EXTL3: variants seen among roughly 807,000 people sequenced by gnomAD.
EXTL3 encodes exostosin like glycosyltransferase 3.
A neutral mutation model predicts 69.3 loss-of-function variants in EXTL3; 27 were observed. The ratio of observed to expected loss-of-function variants is 0.39; its 90% CI spans 0.29 to 0.54. EXTL3 has a LOEUF of 0.54. Ranked by LOEUF, EXTL3 falls within the 20% of genes least tolerant of loss-of-function variation. The probability of loss-of-function intolerance (pLI) is 0.69; values close to 1 mark genes in which losing one functional copy is unlikely to be tolerated. For missense variants in EXTL3, 1,003 were observed against 1,231.8 expected, an observed-to-expected ratio of 0.81 and a Z score of 2.78; for synonymous variants, 511 against 499.4, an observed-to-expected ratio of 1.02 and a Z score of -0.31.
Position 28,743,091 on chromosome 8 carries a change from T to C in EXTL3, c.2427T>C (p.Tyr809=). ...TCTTTTTCTTCCCCTGACAGTATTATGCCTACCTGTATTCTTATGTGATGC... is the reference window on the plus strand; with the variant it reads ...TCTTTTTCTTCCCCTGACAGTATTACGCCTACCTGTATTCTTATGTGATGC... ...LTGAAFFHKY[Y]AYLYSYVMPQ... The change falls in exon 6 of 7, where the codon TAT becomes TAC. Residue 809 remains tyrosine (Y), a synonymous_variant. Transcript: ENST00000220562. 6.2e-7 allele frequency: 1 copy of C among 1,614,190 alleles called. No homozygotes were observed. Among genetic ancestry groups the C allele is most frequent in the Non-Finnish European group, 8.5e-7 (1 of 1,179,998 alleles).
intron 5 of EXTL3, chr8:28,739,899 C>A (rs1801740035): frequency 6.6e-6 from 1 of 152,180 alleles, no homozygotes; most frequent in Non-Finnish European, 1.5e-5. Flanking sequence ...TGAGGATGTA[C>A]TTATCTTCTG....
chr8:28,747,887 C>T (rs899591720), intron 6 of EXTL3, among the ~76,000 whole-genome samples: 3 of 151,930 alleles, frequency 2.0e-5, no homozygotes, highest in Non-Finnish European at 4.4e-5. Context: ...TGTCGCCATG[C>T]CCAGCTAATT....
intron 4 of EXTL3, among the ~76,000 whole-genome samples, chr8:28,734,962 A>G (rs1245518076): frequency 6.6e-6 from 1 of 152,198 alleles, no homozygotes; most frequent in East Asian, 1.9e-4. Flanking sequence ...CACATTTCTG[A>G]AAAATTAGAA....
intron 1 of EXTL3, among the ~76,000 whole-genome samples, chr8:28,664,758 C>T (rs1243344625): frequency 1.3e-5 from 2 of 152,030 alleles, no homozygotes; most frequent in African/African-American, 4.8e-5. Context: ...TTATATACAT[C>T]TCCCCCCGGA....
intron 1 of EXTL3, among the ~76,000 whole-genome samples, chr8:28,665,613 T>C (rs903921670): frequency 2.0e-5 from 3 of 151,904 alleles, no homozygotes; most frequent in Non-Finnish European, 2.9e-5. Context: ...GGTCTCACCA[T>C]GTTGCCCATG....
chr8:28,722,513 C>T (rs1255012870), intron 3 of EXTL3, among the ~76,000 whole-genome samples: 6 of 152,048 alleles, frequency 3.9e-5, no homozygotes, highest in Admixed American at 1.3e-4. Context: ...CAGTGGCTCA[C>T]GCCTGTAATC....
At chr8:28,673,474 C>T (rs7004746) in intron 1 of EXTL3, among the ~76,000 whole-genome samples, 1,892 of 152,234 alleles carry the variant, frequency 0.012, 40 homozygotes, top group African/African-American at 0.043. Context: ...TGCCTGCCTG[C>T]TTGAGCTGGA....
intron 2 of EXTL3, among the ~76,000 whole-genome samples, chr8:28,611,672 G>C (rs1373912404): frequency 6.6e-6 from 1 of 152,172 alleles, no homozygotes; most frequent in East Asian, 1.9e-4. Flanking sequence ...GTTGTTGTGA[G>C]CCCCGAGGTG....
At chr8:28,675,756 T>C (rs1807371091) in intron 1 of EXTL3, among the ~76,000 whole-genome samples, 1 of 152,138 alleles carries the variant, frequency 6.6e-6, no homozygotes, top group Non-Finnish European at 1.5e-5. Context: ...GCGCGGCAGC[T>C]CATGCCTGTA....
At chr8:28,688,644 G>A (rs1471870052) in intron 1 of EXTL3, among the ~76,000 whole-genome samples, 3 of 152,186 alleles carry the variant, frequency 2.0e-5, no homozygotes, top group East Asian at 1.9e-4. Flanking sequence ...TTCAGAGCCC[G>A]TGTTGTAAGA....
upstream of EXTL3, among the ~76,000 whole-genome samples, chr8:28,698,864 C>T (rs1036668927): frequency 2.6e-5 from 4 of 152,200 alleles, no homozygotes; most frequent in South Asian, 4.2e-4. Context: ...CACAGTAGTG[C>T]GTGCCTGTAA....
chr8:28,710,970 G>A (rs1217878931), intron 1 of EXTL3, among the ~76,000 whole-genome samples: 1 of 151,772 alleles, frequency 6.6e-6, no homozygotes, highest in East Asian at 1.9e-4. Flanking sequence ...TTCTTTAAAT[G>A]TTCAGTAGAA....
At position 28,717,715 on chromosome 8, in the gene EXTL3, G is replaced by C. The variant is rs1447814532; in HGVS notation, c.1656G>C (p.Glu552Asp). 1 of 1,614,124 alleles carries C rather than the reference G, an allele frequency of 6.2e-7. No homozygotes were observed. The highest frequency in any genetic ancestry group is 8.5e-7 in the Non-Finnish European group (1 of 1,180,052). Residue 552 changes from glutamate to aspartate, a missense_variant, in exon 3 of 7, where the codon GAG (glutamate) becomes GAC (aspartate). Glu to Asp is a conservative substitution (Grantham distance 45, BLOSUM62 2). Around this residue, in one of 2 missense-constraint regions of EXTL3, gnomAD observed 742 missense variants for 815.4 expected, o/e 0.91. Coordinates refer to ENST00000220562, the MANE Select transcript of EXTL3 (RefSeq NM_001440.4). This position sits in a 1 kb window ranked among gnomAD's most constrained non-coding sequence, Gnocchi z 8.3. ...AAPIREEAAA[E>D]IPHRSGKAAG... ...CCATCCGGGAAGAGGCGGCAGCTGA[G>C]ATCCCCCACCGTTCAGGCAAGGCGG...
At chr8:28,650,882 A>G (rs1323642385) in intron 1 of EXTL3, among the ~76,000 whole-genome samples, 1 of 151,604 alleles carries the variant, frequency 6.6e-6, no homozygotes, top group East Asian at 1.9e-4. Flanking sequence ...CTTTTTTCAA[A>G]TTTACTTCTT....
intron 1 of EXTL3, among the ~76,000 whole-genome samples, chr8:28,704,826 A>G (rs1464004600): frequency 6.6e-5 from 10 of 152,100 alleles, no homozygotes; most frequent in African/African-American, 2.4e-4. Context: ...GTGTGCCACC[A>G]CACCCGGCTA....
chr8:28,735,108 C>T (rs996406696), intron 4 of EXTL3, among the ~76,000 whole-genome samples: 11 of 128,314 alleles, frequency 8.6e-5, no homozygotes, highest in African/African-American at 1.8e-4. Context: ...TTTTTTTACA[C>T]GATAATAGTA....
At chr8:28,722,662 C>G (rs567586444) in intron 3 of EXTL3, among the ~76,000 whole-genome samples, 1 of 151,194 alleles carries the variant, frequency 6.6e-6, no homozygotes, top group South Asian at 2.1e-4. Context: ...GTAATCCAGG[C>G]TCTTGGGAAG....
intron 1 of EXTL3, among the ~76,000 whole-genome samples, chr8:28,629,769 G>A (rs1313931876): frequency 6.6e-6 from 1 of 152,166 alleles, no homozygotes; most frequent in Non-Finnish European, 1.5e-5. Context: ...GGTGTAACTT[G>A]CTCCGGCAGA....
At chr8:28,610,638 C>A (rs889846612) in intron 2 of EXTL3, among the ~76,000 whole-genome samples, 5 of 152,126 alleles carry the variant, frequency 3.3e-5, no homozygotes, top group African/African-American at 1.2e-4. Context: ...ATTTTCACAC[C>A]ATACCTATGC....
Sources: allele counts gnomAD v4.1 joint callset (sites outside exome capture counted in the v4.1 genomes callset), GRCh38; gene constraint gnomAD v4.1.1; regional missense constraint gnomAD v4.1.1; non-coding constraint Gnocchi (gnomAD v3.1); transcripts MANE v1.5; gene names NCBI Gene and HGNC (gene_info 2026-07-23, HGNC 2026-07-21).